Variants in FAT2 observed in about 807,000 individuals in gnomAD.
FAT2 encodes the protein protocadherin Fat 2.
FAT2 carries 150 observed loss-of-function variants against 295.3 expected under a neutral mutation model. The observed-to-expected ratio is 0.51, with a 90% CI of 0.44 to 0.58. The LOEUF (loss-of-function observed/expected upper bound fraction) is 0.58, where lower values mean the gene tolerates loss of function less well. FAT2 is among the 20% of genes least tolerant of loss of function. The probability of loss-of-function intolerance (pLI) is 0.00; values close to 1 mark genes in which losing one functional copy is unlikely to be tolerated. For missense variants in FAT2, 4,868 were observed against 5,442.7 expected (o/e 0.89, Z 3.32); for synonymous variants, 2,026 against 2,150.3 (o/e 0.94, Z 1.60).
rs752077207 is a variant in FAT2, at chr5:151,521,517, G to A, written c.11076C>T (p.Thr3692=). The change falls in exon 19 of 24, where the codon ACC becomes ACT. Residue 3692 remains threonine (T), a synonymous_variant. Coordinates refer to ENST00000261800, the MANE Select transcript of FAT2 (RefSeq NM_001447.3). The part of the protein sequence containing the change: ...VLLVFEGHSG[T]FYEFQELASI... Reference sequence around the variant, plus strand: ...ATGCTAGCTCCTGAAACTCGTAGAAGGTTCCAGAATGCCCCTCAAAGACCA... The same window carrying A: ...ATGCTAGCTCCTGAAACTCGTAGAAAGTTCCAGAATGCCCCTCAAAGACCA... The A allele has an allele frequency of 1.2e-6, 2 of 1,614,238 alleles. No individual in the cohort carries two copies. Among genetic ancestry groups the A allele is most frequent in the Admixed American group, 1.7e-5 (1 of 60,032 alleles).
upstream of FAT2, among the ~76,000 whole-genome samples, chr5:151,594,707 C>G (rs992321719): frequency 1.3e-5 from 2 of 152,172 alleles, no homozygotes; most frequent in African/African-American, 4.8e-5. Flanking sequence ...CCCTCCTGGA[C>G]TTTTCTTTCT....
Position 151,545,805 on chromosome 5 carries a change from A to G in FAT2, c.5322T>C (p.Tyr1774=). 1 of 1,614,230 alleles carries G rather than the reference A, an allele frequency of 6.2e-7. No individual in the cohort carries two copies. Among genetic ancestry groups the G allele is most frequent in the Non-Finnish European group, 8.5e-7 (1 of 1,180,042 alleles). ...VGQISEAAPL[Y]SMIMDKNNNP... is the part of the protein sequence containing the mutation. ...TGTTGTTTTTATCCATGATCATGCTATACAGTGGAGCTGCTTCACTAATTT... is the reference window on the plus strand; with the variant it reads ...TGTTGTTTTTATCCATGATCATGCTGTACAGTGGAGCTGCTTCACTAATTT... The change falls in exon 10 of 24, where the codon TAT becomes TAC. Residue 1774 remains tyrosine, a synonymous_variant. Transcript: ENST00000261800.
At chr5:151,527,738 A>C (rs3822700) in intron 16 of FAT2, among the ~76,000 whole-genome samples, 8,521 of 152,262 alleles carry the variant, frequency 0.056, 486 homozygotes, top group South Asian at 0.27. Flanking sequence ...CTATTTTATA[A>C]TGATCTAATG....
In FAT2 at chr5:151,531,168, A is replaced by T. The variant is rs1458024450; in HGVS notation, c.9811+419T>A. 6.6e-6 allele frequency among the ~76,000 whole-genome samples: 1 copy of T among 152,098 alleles called. No homozygotes were observed. The highest frequency in any genetic ancestry group is 1.5e-5 in the Non-Finnish European group (1 of 68,012). On this transcript the variant is annotated intron_variant, in intron 14 of 23. Coordinates refer to ENST00000261800, the MANE Select transcript of FAT2 (RefSeq NM_001447.3). The surrounding 1 kb of genome is among the most constrained non-coding windows in gnomAD (Gnocchi z 5.7). ...AGGGGTGCCAGGATGTTTGGAGTGG[A>T]TGTGGGGACTCCAGGAGGGAAGCAG...
At chr5:151,588,251 G>A (rs921843476) in intron 1 of FAT2, among the ~76,000 whole-genome samples, 3 of 152,204 alleles carry the variant, frequency 2.0e-5, no homozygotes, top group African/African-American at 7.2e-5. Flanking sequence ...ATCCCACATT[G>A]CCTCTGGAGG....
In FAT2 at chr5:151,540,772, A is replaced by G. The variant is rs755830325; in HGVS notation, c.8843-9T>C. On this transcript the variant is annotated splice_polypyrimidine_tract_variant and intron_variant, in intron 10 of 23. Transcript: ENST00000261800. Reference sequence around the variant, plus strand: ...GCCCAGGGGGTCTCCCTCTAAACAGATGGGGCAGAGCTTTCAGAAGCCAAG... The same window carrying G: ...GCCCAGGGGGTCTCCCTCTAAACAGGTGGGGCAGAGCTTTCAGAAGCCAAG... The G allele has an allele frequency of 3.1e-6, 5 of 1,609,518 alleles. No homozygotes were observed. The Admixed American group carries it at 8.3e-5, about 27-fold the overall frequency.
rs927464659 is a variant in FAT2, at chr5:151,531,409, C to A, written c.9811+178G>T. ...AAGGGAGGCTCCCACATAAGCTGGC[C>A]CCAGGGTGGAAGGAGGGACCTGGTA... is the stretch of plus-strand genomic sequence containing the variant. On this transcript the variant is annotated intron_variant, in intron 14 of 23. Coordinates refer to ENST00000261800, the MANE Select transcript of FAT2 (RefSeq NM_001447.3). This position sits in a 1 kb window ranked among gnomAD's most constrained non-coding sequence, Gnocchi z 5.7. Among the ~76,000 whole-genome samples, 2 of 152,004 alleles carry A rather than the reference C, an allele frequency of 1.3e-5. No individual in the cohort carries two copies. The highest frequency in any genetic ancestry group is 4.8e-5 in the African/African-American group (2 of 41,386).
intron 13 of FAT2, 46 bp downstream of exon 13, chr5:151,534,363 G>A: frequency 6.8e-7 from 1 of 1,478,104 alleles, no homozygotes; most frequent in African/African-American, 1.4e-5. Context: ...TGCCCAAGGT[G>A]ACCCAGGAGA....
intron 14 of FAT2, among the ~76,000 whole-genome samples, chr5:151,530,112 A>G (rs75033716): frequency 0.041 from 6,168 of 152,280 alleles, 409 homozygotes; most frequent in African/African-American, 0.14. Flanking sequence ...GGAAATGATT[A>G]GCAAAGCCTG....
At chr5:151,589,723 C>G (rs563694145) in intron 1 of FAT2, among the ~76,000 whole-genome samples, 1 of 151,724 alleles carries the variant, frequency 6.6e-6, no homozygotes, top group African/African-American at 2.4e-5. Context: ...TAGTGAGACC[C>G]CATCTCTACA....
chr5:151,586,735 G>T (rs1759186025), intron 1 of FAT2, among the ~76,000 whole-genome samples: 1 of 152,308 alleles, frequency 6.6e-6, no homozygotes, highest in South Asian at 2.1e-4. Context: ...GTTTTAAAGA[G>T]ATATATGGAA....
Position 151,538,094 on chromosome 5 carries a change from CAG to C in FAT2, c.9040-150_9040-149del, listed in dbSNP as rs200021303. On this transcript the variant is annotated intron_variant, in intron 11 of 23. Coordinates refer to ENST00000261800, the MANE Select transcript of FAT2 (RefSeq NM_001447.3). ...AGAGAGACAGAAAAAAGAACAGAGACAGAGAGAGAGAAAGAGAAGCAGAGAGA... is the reference window on the plus strand; with the variant it reads ...AGAGAGACAGAAAAAAGAACAGAGACAGAGAGAGAAAGAGAAGCAGAGAGA... The C allele has an allele frequency of 3.0e-4, 180 of 590,596 alleles. 2 individuals carry two copies. Among genetic ancestry groups the C allele is most frequent in the African/African-American group, 6.3e-4 (34 of 53,878 alleles). The allele number at this position is 590,596 out of a possible 1,614,324, so 36.6% of individuals were successfully genotyped here.
intron 9 of FAT2, among the ~76,000 whole-genome samples, chr5:151,548,012 A>G (rs531144752): frequency 5.9e-5 from 9 of 152,366 alleles, no homozygotes; most frequent in African/African-American, 1.7e-4. Context: ...ATCTCCATCA[A>G]TGAGGTTGTC....
At position 151,508,327 on chromosome 5, in the gene FAT2, C is replaced by G. The variant is rs967282368; in HGVS notation, c.12060-716G>C. Reference sequence around the variant, plus strand: ...TCTTTTAAAATGCAGACACCACTTTCAGCTGTGAAATGTCCTCCCAACACA... The same window carrying G: ...TCTTTTAAAATGCAGACACCACTTTGAGCTGTGAAATGTCCTCCCAACACA... On this transcript the variant is annotated intron_variant, in intron 22 of 23. Transcript: ENST00000261800. Among the ~76,000 whole-genome samples, 6 of 152,340 alleles carry G rather than the reference C, an allele frequency of 3.9e-5. No homozygotes were observed. In the East Asian group the frequency reaches 9.6e-4, roughly 24 times the overall value.
Position 151,549,309 on chromosome 5 carries a change from T to C in FAT2, c.4775A>G (p.Tyr1592Cys), listed in dbSNP as rs2127618901. ...AGGCCTCTCACCTTTCAGGAGGGAG[T>C]AGTGGACCTCAGCATTGACTCCCCG... ...ADRGVNAEVH[Y>C]SLLKGNSEGF... Residue 1592 changes from tyrosine to cysteine, a missense_variant, in exon 9 of 24, where the codon TAC becomes TGC. Coordinates refer to ENST00000261800, the MANE Select transcript of FAT2 (RefSeq NM_001447.3). 1.2e-6 allele frequency: 2 copies of C among 1,612,774 alleles called. No homozygotes were observed. The highest frequency in any genetic ancestry group is 1.7e-6 in the Non-Finnish European group (2 of 1,179,908).
At chr5:151,513,370 A>G (rs988075371) in intron 20 of FAT2, among the ~76,000 whole-genome samples, 1 of 152,252 alleles carries the variant, frequency 6.6e-6, no homozygotes, top group African/African-American at 2.4e-5. Flanking sequence ...TGGGCTGGAT[A>G]AAGAAAATAT....
intron 1 of FAT2, among the ~76,000 whole-genome samples, chr5:151,583,917 G>T (rs1049478514): frequency 8.8e-5 from 13 of 147,992 alleles, no homozygotes; most frequent in Non-Finnish European, 1.8e-4. Flanking sequence ...AGAATCACTT[G>T]GGCCTCGGAG....
chr5:151,523,962 T>C (rs6860250), intron 18 of FAT2, among the ~76,000 whole-genome samples: 102,439 of 151,892 alleles, frequency 0.67, 34,946 homozygotes, highest in East Asian at 0.92. Context: ...TCTTTCTAAC[T>C]GCACATCCAC....
rs1412982160 is a variant in FAT2, at chr5:151,565,918, C to T, written c.3014G>A (p.Gly1005Glu). 1 of 1,613,982 alleles carries T rather than the reference C, an allele frequency of 6.2e-7. No homozygotes were observed. The highest frequency in any genetic ancestry group is 8.5e-7 in the Non-Finnish European group (1 of 1,180,022). The change falls in exon 2 of 24, where the codon GGG (glycine) becomes GAG (glutamate). Residue 1005 changes from glycine (G) to glutamate (E), a missense_variant. Gly to Glu is a moderately conservative substitution (Grantham distance 98). Coordinates refer to ENST00000261800, the MANE Select transcript of FAT2 (RefSeq NM_001447.3). ...GAGAGTCCTGCGGGCTAGGGGCCTC[C>T]CACCATCACTGGCCCACAGGCTCAG... ...YNLSLWASDGGRPLARRTLCH... is the reference protein window; with the variant it reads ...YNLSLWASDGERPLARRTLCH...
Sources: gnomAD v4.1 joint callset for allele counts (sites outside exome capture counted in the v4.1 genomes callset) on GRCh38, gnomAD v4.1.1 for gene constraint, Gnocchi (gnomAD v3.1) non-coding constraint, MANE v1.5 for transcripts, NCBI Gene and HGNC (gene_info 2026-07-23, HGNC 2026-07-21) for gene names.